Variants in NCOR2 observed in about 807,000 individuals in gnomAD.
NCOR2 encodes CTG repeat protein 26.
Under a neutral mutation model 262.9 loss-of-function variants are expected in NCOR2, and 81 were observed. That is an observed-to-expected ratio of 0.31 (90% confidence interval 0.26 to 0.37). The LOEUF (loss-of-function observed/expected upper bound fraction) is 0.37, where lower values mean the gene tolerates loss of function less well. Ranked by LOEUF, NCOR2 falls within the 10% of genes least tolerant of loss-of-function variation. NCOR2 has a pLI of 1.00. For synonymous variants in NCOR2, 1,659 were observed against 1,559.3 expected (o/e 1.06, Z -1.51); for missense variants, 3,385 against 3,621.4 (o/e 0.93, Z 1.68).
At chr12:124,539,890 G>A (rs921404241), upstream of NCOR2, among the ~76,000 whole-genome samples, 3 of 151,954 alleles carry the variant, frequency 2.0e-5, no homozygotes, top group East Asian at 1.9e-4. This position sits in a 1 kb window ranked among gnomAD's most constrained non-coding sequence, Gnocchi z 5.1. Context: ...TCGTCCATTC[G>A]CCACACCCAG....
intron 20 of NCOR2, among the ~76,000 whole-genome samples, chr12:124,370,860 A>G (rs1225478160): frequency 6.6e-6 from 1 of 152,148 alleles, no homozygotes; most frequent in East Asian, 1.9e-4. Context: ...CCCCAGCTGG[A>G]GAGGAATTTG....
chr12:124,354,733 A>C (rs2037809967), intron 25 of NCOR2, 104 bp downstream of exon 27: 1 of 1,315,048 alleles, frequency 7.6e-7, no homozygotes, highest in South Asian at 1.4e-5. Context: ...CCCAGCTGCT[A>C]CCTGGAGTAC....
chr12:124,419,904 C>T (rs763820702), intron 13 of NCOR2, 53 bp downstream of exon 15: 27 of 1,530,650 alleles, frequency 1.8e-5, no homozygotes, highest in African/African-American at 1.5e-4. Flanking sequence ...AGCAAGTGGC[C>T]GCTGAGCATG....
chr12:124,406,479 A>T (rs1008678672), intron 13 of NCOR2, among the ~76,000 whole-genome samples: 2 of 152,198 alleles, frequency 1.3e-5, no homozygotes, highest in Non-Finnish European at 2.9e-5. Flanking sequence ...CACAAGGCAC[A>T]TAAAGGACTC....
At chr12:124,354,913 C>T (rs750952172) in exon 25 of NCOR2, 38 of 1,612,422 alleles carry the variant, frequency 2.4e-5, no homozygotes, top group African/African-American at 1.2e-4. Flanking sequence ...GCTCTGAGTA[C>T]GGGACGTGGA....
chr12:124,515,646 C>A (rs2049702451), intron 1 of NCOR2, among the ~76,000 whole-genome samples: 1 of 90,854 alleles, frequency 1.1e-5, no homozygotes, highest in Non-Finnish European at 2.8e-5. Context: ...TGTGAGTGTG[C>A]ATATGAGTGT....
intron 1 of NCOR2, among the ~76,000 whole-genome samples, chr12:124,510,220 A>C (rs1405769459): frequency 6.6e-6 from 1 of 152,098 alleles, no homozygotes; most frequent in African/African-American, 2.4e-5. Context: ...GCACTGATGC[A>C]CCCCAGCTCC....
exon 47 of NCOR2, chr12:124,325,333 T>C (rs77571124): frequency 0.13 from 134,234 of 1,069,376 alleles, 12,431 homozygotes; most frequent in East Asian, 0.39. Flanking sequence ...GCAGCCGCCC[T>C]GCTCCTGCAG....
chr12:124,422,382 G>C lies in NCOR2; in HGVS notation c.1383+119C>G, dbSNP rs970157742. The C allele has an allele frequency of 5.4e-5, 64 of 1,192,874 alleles. No homozygotes were observed. The African/African-American group carries it at 8.4e-4, about 16-fold the overall frequency. 73.9% of individuals were successfully genotyped at this position (1,192,874 alleles called of 1,614,324 possible). A position where few individuals can be genotyped will look rare whatever the true frequency, so the allele number is the denominator to read the frequency against. On this transcript the variant is annotated intron_variant, in intron 12 of 46. Coordinates refer to ENST00000405201, the Ensembl canonical transcript of NCOR2. ...AGGGAGGAGGGGAGCATGGCAGCTGGAGCAAGGGGCCAGGCAGGCCAGGGC... is the reference window on the plus strand; with the variant it reads ...AGGGAGGAGGGGAGCATGGCAGCTGCAGCAAGGGGCCAGGCAGGCCAGGGC...
intron 3 of NCOR2, among the ~76,000 whole-genome samples, chr12:124,479,300 GCACATGCACGGA>G (rs2047278080): frequency 6.6e-6 from 1 of 151,016 alleles, no homozygotes; most frequent in African/African-American, 2.4e-5. Flanking sequence ...GCACACTCAC[GCACATGCACGGA>G]CACATGCACA....
chr12:124,344,907 G>T, exon 32 of NCOR2: 1 of 1,576,400 alleles, frequency 6.3e-7, no homozygotes, highest in Non-Finnish European at 8.6e-7. Context: ...CGTGCTTTTT[G>T]GAGCCAGTGG....
chr12:124,445,623 G>C (rs1480038206), intron 7 of NCOR2, among the ~76,000 whole-genome samples: 1 of 151,922 alleles, frequency 6.6e-6, no homozygotes, highest in Non-Finnish European at 1.5e-5. Context: ...GCGCCAGGGA[G>C]GCTGCTCCAG....
chr12:124,350,836 C>T (rs1156703613), intron 27 of NCOR2, 99 bp from the exon 30 acceptor site: 21 of 1,280,954 alleles, frequency 1.6e-5, no homozygotes, highest in African/African-American at 4.4e-5. Context: ...ATGTGCCCAC[C>T]GATGCACACG....
chr12:124,342,308 T>C (rs1018799367), intron 33 of NCOR2, among the ~76,000 whole-genome samples: 2 of 152,200 alleles, frequency 1.3e-5, no homozygotes, highest in African/African-American at 2.4e-5. Flanking sequence ...GTCCCAAACA[T>C]AGGACATCCC....
rs368582704 is a variant in NCOR2 at position 124,547,402 on chromosome 12, G to T, written c.-164-11791C>A. 6.6e-5 allele frequency among the ~76,000 whole-genome samples: 10 copies of T among 152,136 alleles called. No homozygotes were observed. In the East Asian group the frequency reaches 1.7e-3, roughly 26 times the overall value. On this transcript the variant is annotated intron_variant, in intron 1 of 32. Transcript: ENST00000458234. ...TAGGAAAAGATGGAGTGTATATAGG[G>T]TTCCATACTGTCTGCAGCTTCAGGC...
At chr12:124,398,768 G>A (rs956518649) in intron 15 of NCOR2, among the ~76,000 whole-genome samples, 21 of 152,358 alleles carry the variant, frequency 1.4e-4, no homozygotes, top group Admixed American at 7.8e-4. Flanking sequence ...ACTGCCTGGC[G>A]TCCCCTAGTG....
chr12:124,336,937 C>A lies in NCOR2; in HGVS notation c.5931G>T (p.Glu1977Asp), dbSNP rs2230943. 3,795 of 1,554,612 alleles carry A rather than the reference C, an allele frequency of 2.4e-3. 85 individuals are homozygous for A. The African/African-American group carries it at 0.045, about 19-fold the overall frequency. ...AGACAGGAGGCACTAGGGGCCGGGG[C>A]TCCGAGCCCTTGCTGGGGGAGGAGG... is the stretch of plus-strand genomic sequence containing the variant. Residue 1977 changes from glutamate to aspartate, a missense_variant, in exon 38 of 47, where the codon GAG becomes GAT. Physicochemically the swap from Glu to Asp is conservative, Grantham distance 45. Transcript: ENST00000405201.
exon 38 of NCOR2, chr12:124,336,808 C>T (rs770819114): frequency 1.9e-6 from 3 of 1,613,174 alleles, no homozygotes; most frequent in Non-Finnish European, 2.5e-6. Flanking sequence ...GAGTCTTTTC[C>T]CGGTGCGGGT....
At chr12:124,486,285 G>A (rs1380708324) in intron 2 of NCOR2, 156 bp downstream of exon 4, 9 of 1,200,934 alleles carry the variant, frequency 7.5e-6, no homozygotes, top group South Asian at 5.9e-5. Context: ...TCCTCACCCC[G>A]AGTCACGCCC....
Sources: allele counts gnomAD v4.1 joint callset (sites outside exome capture counted in the v4.1 genomes callset), GRCh38; gene constraint gnomAD v4.1.1; non-coding constraint Gnocchi (gnomAD v3.1); transcripts MANE v1.5; gene names NCBI Gene and HGNC (gene_info 2026-07-23, HGNC 2026-07-21).